Variants in PLXNA4 observed in about 807,000 individuals in gnomAD.
PLXNA4 encodes the protein plexin-A4.
A neutral mutation model predicts 191.8 loss-of-function variants in PLXNA4; 44 were observed. The ratio of observed to expected loss-of-function variants is 0.23; its 90% CI spans 0.18 to 0.29. The LOEUF is 0.29. Ranked by LOEUF, PLXNA4 falls within the 10% of genes least tolerant of loss-of-function variation. The pLI, the probability that PLXNA4 is intolerant of heterozygous loss-of-function variation, is 1.00. For synonymous variants in PLXNA4, 1,082 were observed against 1,009.5 expected (o/e 1.07, Z -1.36); for missense variants, 1,800 against 2,488.8 (o/e 0.72, Z 5.89).
At chr7:132,374,781 A>G (rs1804591534) in intron 3 of PLXNA4, among the ~76,000 whole-genome samples, 1 of 152,238 alleles carries the variant, frequency 6.6e-6, no homozygotes, top group African/African-American at 2.4e-5. Flanking sequence ...CAGAGAGCAT[A>G]TAATTTTTAT....
chr7:132,337,706 C>G (rs1002711466), intron 3 of PLXNA4, among the ~76,000 whole-genome samples: 1 of 152,142 alleles, frequency 6.6e-6, no homozygotes, highest in Non-Finnish European at 1.5e-5. Flanking sequence ...TCCAAAATGA[C>G]ACAACCAGAC....
chr7:132,577,765 G>A (rs1802317376), upstream of PLXNA4, among the ~76,000 whole-genome samples: 1 of 152,170 alleles, frequency 6.6e-6, no homozygotes, highest in Non-Finnish European at 1.5e-5. Flanking sequence ...GGCGCTGGCC[G>A]TCGGAGGGAC....
chr7:132,154,863 G>C (rs1468867779), intron 25 of PLXNA4, among the ~76,000 whole-genome samples: 1 of 152,206 alleles, frequency 6.6e-6, no homozygotes, highest in East Asian at 1.9e-4. Flanking sequence ...ACAAAGGACA[G>C]ACACACTCAC....
At chr7:132,510,982 G>GC (rs1319949693) in intron 1 of PLXNA4, among the ~76,000 whole-genome samples, 1 of 152,210 alleles carries the variant, frequency 6.6e-6, no homozygotes, top group East Asian at 1.9e-4. Context: ...AAGAGCAAAG[G>GC]CCCCCAGAGA....
At chr7:132,231,213 G>A (rs1008041184) in intron 5 of PLXNA4, among the ~76,000 whole-genome samples, 3 of 152,094 alleles carry the variant, frequency 2.0e-5, no homozygotes, top group South Asian at 2.1e-4. Context: ...GGACAAAACA[G>A]TACCTACCTA....
chr7:132,538,528 C>G (rs1368898374), intron 1 of PLXNA4, among the ~76,000 whole-genome samples: 1 of 152,234 alleles, frequency 6.6e-6, no homozygotes, highest in Non-Finnish European at 1.5e-5. Context: ...GGACTCCAGG[C>G]CTGGCTCTGT....
In PLXNA4 at chr7:132,125,693, A is replaced by AG. The variant is rs1794750640; in HGVS notation, c.*4785dup. 1 of 151,760 alleles carries AG rather than the reference A, an allele frequency of 6.6e-6. No individual in the cohort carries two copies. Among genetic ancestry groups the AG allele is most frequent in the Non-Finnish European group, 1.5e-5 (1 of 68,014 alleles). 9.4% of individuals were successfully genotyped at this position (151,760 alleles called of 1,614,324 possible). A position where few individuals can be genotyped will look rare whatever the true frequency, so the allele number is the denominator to read the frequency against. On this transcript the variant is annotated 3_prime_UTR_variant, in exon 32 of 32. Coordinates refer to ENST00000321063, the MANE Select transcript of PLXNA4 (RefSeq NM_020911.2). ...CCTGAGAGCTGGCAGGAAGAGGGGA[A>AG]GAGGCCCTTGATGTAGACGAGGACC...
intron 2 of PLXNA4, among the ~76,000 whole-genome samples, chr7:132,630,160 T>G (rs1374110049): frequency 6.6e-6 from 1 of 152,100 alleles, no homozygotes; most frequent in African/African-American, 2.4e-5. Flanking sequence ...TGGTGTCTCT[T>G]CTTATAAGGC....
At chr7:132,240,253 G>A (rs1437145490) in intron 5 of PLXNA4, among the ~76,000 whole-genome samples, 1 of 152,184 alleles carries the variant, frequency 6.6e-6, no homozygotes, top group African/African-American at 2.4e-5. Flanking sequence ...CCAACCATTC[G>A]TTGGCTTCTC....
At chr7:132,521,697 T>C (rs1012613791) in intron 1 of PLXNA4, among the ~76,000 whole-genome samples, 21 of 152,024 alleles carry the variant, frequency 1.4e-4, no homozygotes, top group Non-Finnish European at 2.4e-4. Context: ...ATCCCCTTCC[T>C]CCCCAACTTC....
At chr7:132,648,255 C>G (rs920454961) in intron 1 of PLXNA4, among the ~76,000 whole-genome samples, 1 of 152,182 alleles carries the variant, frequency 6.6e-6, no homozygotes, top group Non-Finnish European at 1.5e-5. Context: ...AGCACAGAAA[C>G]GCTTTCCATT....
At chr7:132,179,544 C>A in intron 20 of PLXNA4, 143 bp downstream of exon 20, 1 of 1,215,352 alleles carries the variant, frequency 8.2e-7, no homozygotes, top group Non-Finnish European at 1.1e-6. Context: ...GACACACACA[C>A]CGCCAGCCTC....
intron 3 of PLXNA4, among the ~76,000 whole-genome samples, chr7:132,304,958 C>T (rs1001842742): frequency 2.0e-5 from 3 of 152,216 alleles, no homozygotes; most frequent in African/African-American, 2.4e-5. Flanking sequence ...GCATGGGCCT[C>T]ATTCTAATCC....
Position 132,127,650 on chromosome 7 carries a change from TCAGTC to T in PLXNA4, c.*2824_*2828del, listed in dbSNP as rs1221063601. 6.6e-6 allele frequency: 1 copy of T among 152,102 alleles called. No individual in the cohort carries two copies. Among genetic ancestry groups the T allele is most frequent in the African/African-American group, 2.4e-5 (1 of 41,410 alleles). 9.4% of individuals were successfully genotyped at this position (152,102 alleles called of 1,614,324 possible). On this transcript the variant is annotated 3_prime_UTR_variant, in exon 32 of 32. Coordinates refer to ENST00000321063, the MANE Select transcript of PLXNA4 (RefSeq NM_020911.2). ...GCTCTGGATACCTGGCTCAAATTTC[TCAGTC>T]CCCAAGCAGGCCACGGGGACTGCAG... is the stretch of plus-strand genomic sequence containing the variant.
chr7:132,185,379 G>T lies in PLXNA4; in HGVS notation c.3078C>A (p.Ala1026=). Residue 1026 remains alanine (A), a synonymous_variant, in exon 16 of 32, where the codon GCC becomes GCA. Coordinates refer to ENST00000321063, the MANE Select transcript of PLXNA4 (RefSeq NM_020911.2). ...GAAAGACCAGGTCCTGGTGGATCTT[G>T]GCCCTGTCCACCTGCACCGACACCT... ...EMKVSVQVDR[A]KIHQDLVFQY... is the part of the protein sequence containing the mutation. 6.2e-7 allele frequency: 1 copy of T among 1,614,118 alleles called. No individual in the cohort carries two copies. The highest frequency in any genetic ancestry group is 1.1e-5 in the South Asian group (1 of 91,076).
At chr7:132,237,048 G>C (rs1798724633) in intron 5 of PLXNA4, among the ~76,000 whole-genome samples, 1 of 152,256 alleles carries the variant, frequency 6.6e-6, no homozygotes. Flanking sequence ...TCTGGATAAA[G>C]AAAGTGTTCT....
intron 3 of PLXNA4, among the ~76,000 whole-genome samples, chr7:132,478,208 T>C (rs769959703): frequency 3.3e-5 from 5 of 152,250 alleles, no homozygotes; most frequent in Admixed American, 6.5e-5. Flanking sequence ...TAAGAAAGAC[T>C]CATTCTCTAA....
rs771230316 is a variant in PLXNA4 at position 132,508,319 on chromosome 7, G to A, written c.375C>T (p.Asn125=). The A allele has an allele frequency of 6.2e-7, 1 of 1,614,220 alleles. No individual in the cohort carries two copies. Among genetic ancestry groups the A allele is most frequent in the Non-Finnish European group, 8.5e-7 (1 of 1,180,050 alleles). The change falls in exon 2 of 32, where the codon AAC becomes AAT. Residue 125 remains asparagine, a synonymous_variant. Coordinates refer to ENST00000321063, the MANE Select transcript of PLXNA4 (RefSeq NM_020911.2). The surrounding 1 kb of genome is among the most constrained non-coding windows in gnomAD (Gnocchi z 4.4). ...ACAGGCTCCCACAGGCAATCAGCCT[G>A]TTCTCCTTGTAGTCTATGAGGAGCA... ...NKMLLIDYKE[N]RLIACGSLYQ...
At chr7:132,398,737 G>A (rs1012273811) in intron 3 of PLXNA4, among the ~76,000 whole-genome samples, 2 of 152,210 alleles carry the variant, frequency 1.3e-5, no homozygotes, top group African/African-American at 2.4e-5. Context: ...ATCAGCTGCC[G>A]GCAGGCTGGT....
Sources: gnomAD v4.1 joint callset for allele counts (sites outside exome capture counted in the v4.1 genomes callset) on GRCh38, gnomAD v4.1.1 for gene constraint, Gnocchi (gnomAD v3.1) non-coding constraint, MANE v1.5 for transcripts, NCBI Gene and HGNC (gene_info 2026-07-23, HGNC 2026-07-21) for gene names.